NEMP1: variants seen among roughly 807,000 people sequenced by gnomAD.
NEMP1 encodes the protein transmembrane protein 194.
In NEMP1, 29 loss-of-function variants were observed where a neutral mutation model predicts 53.7. The ratio of observed to expected loss-of-function variants is 0.54; its 90% confidence interval spans 0.40 to 0.74. NEMP1 has a LOEUF of 0.74. Ranked by LOEUF, NEMP1 falls within the 30% of genes least tolerant of loss-of-function variation. NEMP1 has a pLI of 0.00. For synonymous variants in NEMP1, 193 were observed against 192.9 expected (o/e 1.00, Z 0.00); for missense variants, 477 against 528.6 (o/e 0.90, Z 0.96).
chr12:57,061,539 C>CA (rs1230241711), intron 7 of NEMP1, among the ~76,000 whole-genome samples: 1 of 151,420 alleles, frequency 6.6e-6, no homozygotes, highest in Non-Finnish European at 1.5e-5. Flanking sequence ...ACTAAAAATA[C>CA]AAAATTAGCC....
At chr12:57,067,111 G>A (rs550898232) in intron 4 of NEMP1, among the ~76,000 whole-genome samples, 2 of 152,060 alleles carry the variant, frequency 1.3e-5, no homozygotes, top group Non-Finnish European at 2.9e-5. Context: ...AGATCATGAG[G>A]TCAGGAGATC....
intron 4 of NEMP1, among the ~76,000 whole-genome samples, chr12:57,068,445 G>A (rs1011149868): frequency 2.0e-5 from 3 of 151,818 alleles, no homozygotes; most frequent in Non-Finnish European, 2.9e-5. Flanking sequence ...TCCGCCTCCA[G>A]GCTCAAGCGG....
chr12:57,059,697 C>T lies in NEMP1; in HGVS notation c.*182G>A. On this transcript the variant is annotated 3_prime_UTR_variant, in exon 9 of 9. Transcript: ENST00000300128. Reference sequence around the variant, plus strand: ...TTCACTACTTTATCCACTCTCCTTCCTCAGGGATCCCATAGAGACCTCCCA... The same window carrying T: ...TTCACTACTTTATCCACTCTCCTTCTTCAGGGATCCCATAGAGACCTCCCA... 1.8e-6 allele frequency: 1 copy of T among 553,040 alleles called. No individual in the cohort carries two copies. Among genetic ancestry groups the T allele is most frequent in the Non-Finnish European group, 3.2e-6 (1 of 313,112 alleles). 34.3% of individuals were successfully genotyped at this position (553,040 alleles called of 1,614,324 possible). A position where few individuals can be genotyped will look rare whatever the true frequency, so the allele number is the denominator to read the frequency against.
At chr12:57,072,221 T>C (rs1406229318) in intron 2 of NEMP1, among the ~76,000 whole-genome samples, 1 of 152,172 alleles carries the variant, frequency 6.6e-6, no homozygotes, top group African/African-American at 2.4e-5. Flanking sequence ...GCAGATCACC[T>C]GAGGGCAGGA....
At chr12:57,066,581 G>C (rs889671525) in intron 4 of NEMP1, among the ~76,000 whole-genome samples, 1 of 152,190 alleles carries the variant, frequency 6.6e-6, no homozygotes, top group Non-Finnish European at 1.5e-5. Context: ...TTTCAATATT[G>C]CTGTTTCTCA....
In NEMP1 at chr12:57,056,910, A is replaced by G. The variant is rs938631457; in HGVS notation, c.*2969T>C. 5.3e-5 allele frequency: 8 copies of G among 152,346 alleles called. No homozygotes were observed. In the East Asian group the frequency reaches 1.5e-3, roughly 29 times the overall value. 9.4% of individuals were successfully genotyped at this position (152,346 alleles called of 1,614,324 possible). The stretch of plus-strand genomic sequence containing the variant: ...AGTGGGACCCAAAGAGCTATCAGCA[A>G]AATTCCCTTTGTAACAGACGTAAAA... On this transcript the variant is annotated 3_prime_UTR_variant, in exon 9 of 9. Coordinates refer to ENST00000300128, the MANE Select transcript of NEMP1 (RefSeq NM_001130963.2).
Position 57,059,499 on chromosome 12 carries a change from C to A in NEMP1, c.*380G>T. 5.9e-6 allele frequency: 1 copy of A among 168,368 alleles called. No individual in the cohort carries two copies. The highest frequency in any genetic ancestry group is 1.3e-5 in the Non-Finnish European group (1 of 78,140). The allele number at this position is 168,368 out of a possible 1,614,324, so 10.4% of individuals were successfully genotyped here. A position where few individuals can be genotyped will look rare whatever the true frequency, so the allele number is the denominator to read the frequency against. ...TTGCAGCCTATAGTCTAAAAGCATT[C>A]CTGCACTTAACAACAGTTCTTACTT... On this transcript the variant is annotated 3_prime_UTR_variant, in exon 9 of 9. Coordinates refer to ENST00000300128, the MANE Select transcript of NEMP1 (RefSeq NM_001130963.2).
chr12:57,083,812 C>T (rs916315667), intron 1 of NEMP1, among the ~76,000 whole-genome samples: 4 of 152,204 alleles, frequency 2.6e-5, no homozygotes, highest in South Asian at 2.1e-4. Flanking sequence ...TTGCTTTTAT[C>T]GCCCAGGCCA....
chr12:57,075,547 GGCGT>G (rs1398354643), intron 1 of NEMP1, among the ~76,000 whole-genome samples: 8 of 148,262 alleles, frequency 5.4e-5, no homozygotes, highest in Non-Finnish European at 1.2e-4. Context: ...GTTGGGCCCA[GGCGT>G]GGTGGCTCAC....
intron 1 of NEMP1, among the ~76,000 whole-genome samples, chr12:57,087,329 A>G (rs1450940459): frequency 6.6e-6 from 1 of 151,302 alleles, no homozygotes; most frequent in Non-Finnish European, 1.5e-5. Flanking sequence ...GGGCGCCTCG[A>G]GCAGAGGCTG....
intron 4 of NEMP1, among the ~76,000 whole-genome samples, chr12:57,065,389 T>C (rs2032020784): frequency 1.3e-5 from 2 of 152,216 alleles, no homozygotes; most frequent in Admixed American, 1.3e-4. Flanking sequence ...AAGTCCTCAA[T>C]GGCATCTTCT....
rs529299678 is a variant in NEMP1, at chr12:57,059,842, C to T, written c.*37G>A. ...ACAACACATGCAACATGGACCAAGG[C>T]ACCAAGCCAGTCCACGTAAAGATAA... On this transcript the variant is annotated 3_prime_UTR_variant, in exon 9 of 9. Transcript: ENST00000300128. 4.4e-6 allele frequency: 7 copies of T among 1,587,402 alleles called. No homozygotes were observed. The Admixed American group carries it at 1.2e-4, about 27-fold the overall frequency.
chr12:57,083,119 T>C (rs899237145), upstream of NEMP1, among the ~76,000 whole-genome samples: 3 of 152,188 alleles, frequency 2.0e-5, no homozygotes, highest in African/African-American at 7.2e-5. Flanking sequence ...ATACACATAC[T>C]TCATTTTTTT....
At chr12:57,081,928 A>G (rs977930235), upstream of NEMP1, among the ~76,000 whole-genome samples, 25 of 149,000 alleles carry the variant, frequency 1.7e-4, no homozygotes, top group African/African-American at 5.5e-4. Context: ...AAACAAAAAA[A>G]AACACGGAGG....
chr12:57,077,656 A>G (rs2032697887), intron 1 of NEMP1, among the ~76,000 whole-genome samples: 1 of 152,264 alleles, frequency 6.6e-6, no homozygotes, highest in Non-Finnish European at 1.5e-5. Flanking sequence ...ATCAATTCAT[A>G]AAAAATTAAA....
intron 7 of NEMP1, 81 bp downstream of exon 7, chr12:57,063,038 G>A: frequency 9.0e-7 from 1 of 1,107,996 alleles, no homozygotes; most frequent in Admixed American, 1.8e-5. Context: ...AAGCTCCCAG[G>A]TCAACACCTC....
In NEMP1 at chr12:57,063,355, A is replaced by T; in HGVS notation, c.755-11T>A. Reference sequence around the variant, plus strand: ...CTGTGAGGACATAACCTATGAGAAGAGTTATCAGAAGACATTCTTTTTCAT... The same window carrying T: ...CTGTGAGGACATAACCTATGAGAAGTGTTATCAGAAGACATTCTTTTTCAT... On this transcript the variant is annotated splice_polypyrimidine_tract_variant and intron_variant, in intron 6 of 8. Coordinates refer to ENST00000300128, the MANE Select transcript of NEMP1 (RefSeq NM_001130963.2). The T allele has an allele frequency of 6.2e-7, 1 of 1,603,670 alleles. No homozygotes were observed.
upstream of NEMP1, among the ~76,000 whole-genome samples, chr12:57,081,976 T>C (rs1462021477): frequency 1.3e-5 from 2 of 150,886 alleles, no homozygotes; most frequent in Non-Finnish European, 2.9e-5. Context: ...CCCAGCACTT[T>C]GGGAGGCCAA....
intron 1 of NEMP1, among the ~76,000 whole-genome samples, chr12:57,076,034 G>T (rs1399566758): frequency 6.6e-6 from 1 of 151,978 alleles, no homozygotes; most frequent in African/African-American, 2.4e-5. Flanking sequence ...AACCTAGGTG[G>T]CCGAGATGGC....
Sources: allele counts gnomAD v4.1 joint callset (sites outside exome capture counted in the v4.1 genomes callset), GRCh38; gene constraint gnomAD v4.1.1; transcripts MANE v1.5; gene names NCBI Gene and HGNC (gene_info 2026-07-23, HGNC 2026-07-21).